Variants in MARCHF4 observed in about 807,000 individuals in gnomAD.
MARCHF4 encodes the protein membrane associated ring-CH-type finger 4.
Under a neutral mutation model 43.9 loss-of-function variants are expected in MARCHF4, and 14 were observed. The observed-to-expected ratio is 0.32, with a 90% confidence interval of 0.21 to 0.50. The LOEUF is 0.50. Among genes scored for constraint, MARCHF4 ranks in the 20% least tolerant of loss-of-function variants. The probability of loss-of-function intolerance (pLI) is 0.98; values close to 1 mark genes in which losing one functional copy is unlikely to be tolerated. For missense variants in MARCHF4, 468 were observed against 536.7 expected, an observed-to-expected ratio of 0.87 and a Z score of 1.27; for synonymous variants, 226 against 213.3, an observed-to-expected ratio of 1.06 and a Z score of -0.52.
Position 216,348,852 on chromosome 2 carries a change from C to T in MARCHF4, c.516+20893G>A, listed in dbSNP as rs58513579. On this transcript the variant is annotated intron_variant, in intron 1 of 3. Coordinates refer to ENST00000273067, the MANE Select transcript of MARCHF4 (RefSeq NM_020814.3). ...ATCAGAATCAGGAAATTATGGTACA[C>T]ACTAAAGACTCCATTCAAACTTGAT... is the stretch of plus-strand genomic sequence containing the variant. Among the ~76,000 whole-genome samples the T allele has an allele frequency of 7.8e-3, 1,183 of 152,248 alleles. 13 individuals carry two copies. The highest frequency in any genetic ancestry group is 0.027 in the African/African-American group (1,114 of 41,548).
chr2:216,295,621 G>A lies in MARCHF4; in HGVS notation c.517-11892C>T, dbSNP rs146395513. On this transcript the variant is annotated intron_variant, in intron 1 of 3. Transcript: ENST00000273067. ...TCCCTTCACATGCTAACAAAAAGAG[G>A]TAGGGAGAGGACACTGCTTTCTTTG... 2.0e-4 allele frequency among the ~76,000 whole-genome samples: 31 copies of A among 152,352 alleles called. No homozygotes were observed. The East Asian group carries it at 5.4e-3, about 27-fold the overall frequency.
intron 2 of MARCHF4, among the ~76,000 whole-genome samples, chr2:216,278,494 G>C (rs926668853): frequency 6.6e-6 from 1 of 152,118 alleles, no homozygotes; most frequent in African/African-American, 2.4e-5. Flanking sequence ...CAAAGTGCTG[G>C]GATTACAGGT....
At chr2:216,320,165 A>C (rs1041147068) in intron 1 of MARCHF4, among the ~76,000 whole-genome samples, 5 of 152,166 alleles carry the variant, frequency 3.3e-5, no homozygotes, top group South Asian at 2.1e-4. Context: ...TATTAAACAA[A>C]CCCGTAAACT....
chr2:216,344,244 GAAAC>G lies in MARCHF4; in HGVS notation c.516+25497_516+25500del, dbSNP rs141748360. Among the ~76,000 whole-genome samples, 1,399 of 151,360 alleles carry G rather than the reference GAAAC, an allele frequency of 9.2e-3. 8 individuals are homozygous for G. The highest frequency in any genetic ancestry group is 0.013 in the African/African-American group (539 of 41,200). ...ACTCATCCACAGCAAAACAAAAACA[GAAAC>G]AAACAAACAAACAAACAAAAAAACA... On this transcript the variant is annotated intron_variant, in intron 1 of 3. Transcript: ENST00000273067.
At chr2:216,343,053 G>C (rs78380861) in intron 1 of MARCHF4, among the ~76,000 whole-genome samples, 6,712 of 152,242 alleles carry the variant, frequency 0.044, 488 homozygotes, top group African/African-American at 0.15. Context: ...CCAAAGGACT[G>C]GGACTGGTGG....
chr2:216,343,699 C>G (rs1429269080), intron 1 of MARCHF4, among the ~76,000 whole-genome samples: 1 of 151,968 alleles, frequency 6.6e-6, no homozygotes, highest in Non-Finnish European at 1.5e-5. Context: ...TGAGAACAGC[C>G]CTGTGAGAAA....
chr2:216,306,108 G>A (rs868406382), intron 1 of MARCHF4, among the ~76,000 whole-genome samples: 1 of 152,080 alleles, frequency 6.6e-6, no homozygotes, highest in Non-Finnish European at 1.5e-5. Flanking sequence ...TTTTGATTCT[G>A]TATTTATACA....
At chr2:216,264,631 T>C (rs914435821) in intron 3 of MARCHF4, among the ~76,000 whole-genome samples, 9 of 152,102 alleles carry the variant, frequency 5.9e-5, no homozygotes, top group South Asian at 2.1e-4. Context: ...GTGGAAGAGA[T>C]GGGGTGTGGA....
chr2:216,329,047 C>G (rs1463269220), intron 1 of MARCHF4, among the ~76,000 whole-genome samples: 2 of 151,698 alleles, frequency 1.3e-5, no homozygotes, highest in Non-Finnish European at 2.9e-5. Flanking sequence ...AACAAGAAAA[C>G]AAAACAAAGA....
At position 216,370,246 on chromosome 2, in the gene MARCHF4, C is replaced by T. The variant is rs745802179; in HGVS notation, c.15G>A (p.Leu5=). Residue 5 remains leucine, a synonymous_variant, in exon 1 of 4, where the codon CTG becomes CTA. Coordinates refer to ENST00000273067, the MANE Select transcript of MARCHF4 (RefSeq NM_020814.3). MLMP[L]CGLLWWWWCC... ...ACCACCACCACCAGAGCAGCCCACACAGGGGCATCAGCATGTGCCCCGTGG... is the reference window on the plus strand; with the variant it reads ...ACCACCACCACCAGAGCAGCCCACATAGGGGCATCAGCATGTGCCCCGTGG... 2 of 1,603,042 alleles carry T rather than the reference C, an allele frequency of 1.2e-6. No individual in the cohort carries two copies. Among genetic ancestry groups the T allele is most frequent in the Non-Finnish European group, 1.7e-6 (2 of 1,172,630 alleles).
intron 1 of MARCHF4, among the ~76,000 whole-genome samples, chr2:216,351,787 C>T (rs970166884): frequency 2.0e-5 from 3 of 152,210 alleles, no homozygotes; most frequent in Admixed American, 6.5e-5. Context: ...AGGAAGGTCC[C>T]TTTCTCAAAG....
At chr2:216,273,632 C>G (rs945307790) in intron 3 of MARCHF4, among the ~76,000 whole-genome samples, 2 of 152,204 alleles carry the variant, frequency 1.3e-5, no homozygotes, top group African/African-American at 2.4e-5. Context: ...TCCACTCTCT[C>G]AGGACTTCTG....
chr2:216,312,215 T>TCCCATTTATAA (rs1691698035), intron 1 of MARCHF4, among the ~76,000 whole-genome samples: 1 of 152,188 alleles, frequency 6.6e-6, no homozygotes, highest in Non-Finnish European at 1.5e-5. Context: ...GAACATGTAG[T>TCCCATTTATAA]TTTCTGTGTC....
intron 1 of MARCHF4, among the ~76,000 whole-genome samples, chr2:216,301,624 T>C (rs1422014365): frequency 1.3e-5 from 2 of 152,224 alleles, no homozygotes; most frequent in African/African-American, 4.8e-5. Context: ...GTTGTTCTCA[T>C]GGTAATGAGT....
intron 3 of MARCHF4, 41 bp from the exon 4 acceptor site, chr2:216,259,720 G>T: frequency 6.3e-7 from 1 of 1,581,940 alleles, no homozygotes; most frequent in South Asian, 1.1e-5. Context: ...CCAAATGAGA[G>T]GAAGTGGGTC....
chr2:216,271,892 G>A, intron 3 of MARCHF4, among the ~76,000 whole-genome samples: 1 of 150,784 alleles, frequency 6.6e-6, no homozygotes, highest in Admixed American at 6.6e-5. Flanking sequence ...CTGTGCTCAA[G>A]CGATCCTCCT....
chr2:216,284,651 A>T (rs1691191098), intron 1 of MARCHF4, among the ~76,000 whole-genome samples: 1 of 151,920 alleles, frequency 6.6e-6, no homozygotes, highest in African/African-American at 2.4e-5. Flanking sequence ...TTTTTTTGTG[A>T]GATGGGGTCT....
At chr2:216,326,304 G>A (rs1202057012) in intron 1 of MARCHF4, among the ~76,000 whole-genome samples, 1 of 150,888 alleles carries the variant, frequency 6.6e-6, no homozygotes, top group African/African-American at 2.4e-5. Flanking sequence ...TAAAAAGTCA[G>A]GAAACAACAA....
At chr2:216,329,329 C>T (rs560033557) in intron 1 of MARCHF4, among the ~76,000 whole-genome samples, 58 of 152,138 alleles carry the variant, frequency 3.8e-4, no homozygotes, top group African/African-American at 1.4e-3. Flanking sequence ...TGCAGTGAGC[C>T]GAGATGGCGC....
Sources: allele counts gnomAD v4.1 joint callset (sites outside exome capture counted in the v4.1 genomes callset), GRCh38; gene constraint gnomAD v4.1.1; transcripts MANE v1.5; gene names NCBI Gene and HGNC (gene_info 2026-07-23, HGNC 2026-07-21).